ARHGAP24: variants seen among roughly 807,000 people sequenced by gnomAD.
The protein encoded by ARHGAP24 is Rho GTPase activating protein 24.
A neutral mutation model predicts 76.4 loss-of-function variants in ARHGAP24; 50 were observed. The observed-to-expected ratio is 0.65, with a 90% CI of 0.52 to 0.83. The LOEUF (loss-of-function observed/expected upper bound fraction) is 0.83. Ranked by LOEUF, ARHGAP24 falls within the 40% of genes least tolerant of loss-of-function variation. ARHGAP24 has a pLI of 0.00. For missense variants in ARHGAP24, 930 were observed against 914.2 expected, an observed-to-expected ratio of 1.02 and a Z score of -0.22; for synonymous variants, 345 against 323.3, an observed-to-expected ratio of 1.07 and a Z score of -0.72.
At chr4:85,877,629 A>T (rs1733016730) in intron 3 of ARHGAP24, among the ~76,000 whole-genome samples, 1 of 2,540 alleles carries the variant, frequency 3.9e-4, no homozygotes, top group African/African-American at 9.7e-4. Context: ...TATCTTAATT[A>T]AAAAAAAAAA....
intron 4 of ARHGAP24, among the ~76,000 whole-genome samples, chr4:85,929,646 A>G (rs991631332): frequency 6.6e-6 from 1 of 152,226 alleles, no homozygotes; most frequent in African/African-American, 2.4e-5. Flanking sequence ...GTGTGTGTAA[A>G]TACACATACA....
intron 1 of ARHGAP24, among the ~76,000 whole-genome samples, chr4:85,485,394 T>A (rs866690696): frequency 6.4e-5 from 7 of 109,796 alleles, no homozygotes; most frequent in African/African-American, 1.4e-4. Context: ...TATATATATA[T>A]ATATATATAT....
chr4:85,766,362 C>A (rs1254160640), intron 3 of ARHGAP24, among the ~76,000 whole-genome samples: 1 of 152,048 alleles, frequency 6.6e-6, no homozygotes, highest in Admixed American at 6.6e-5. Flanking sequence ...AAAATAATTC[C>A]TTGCTCTTCA....
chr4:85,934,314 T>C (rs937260365), intron 4 of ARHGAP24, among the ~76,000 whole-genome samples: 7 of 152,158 alleles, frequency 4.6e-5, no homozygotes, highest in African/African-American at 1.7e-4. Context: ...TATTTCATCC[T>C]TTCTCCTAAA....
intron 1 of ARHGAP24, among the ~76,000 whole-genome samples, chr4:85,552,895 G>A (rs1023092860): frequency 5.3e-5 from 8 of 152,040 alleles, no homozygotes; most frequent in Non-Finnish European, 1.0e-4. Context: ...GGATGTCATT[G>A]TGTGTCCAGA....
At chr4:85,575,541 G>A (rs978029215) in intron 2 of ARHGAP24, among the ~76,000 whole-genome samples, 11 of 152,104 alleles carry the variant, frequency 7.2e-5, no homozygotes, top group Non-Finnish European at 1.3e-4. Flanking sequence ...CTATTAGAAA[G>A]GATTTTAAAA....
chr4:85,802,748 A>G (rs961646716), intron 3 of ARHGAP24, among the ~76,000 whole-genome samples: 1 of 152,182 alleles, frequency 6.6e-6, no homozygotes, highest in African/African-American at 2.4e-5. Context: ...CTGAGACCGC[A>G]CCATTGCACT....
chr4:85,968,877 G>A (rs1395055258), intron 5 of ARHGAP24, among the ~76,000 whole-genome samples: 1 of 151,904 alleles, frequency 6.6e-6, no homozygotes, highest in Non-Finnish European at 1.5e-5. Flanking sequence ...AATAACCTTT[G>A]TTAATCAAAA....
intron 1 of ARHGAP24, among the ~76,000 whole-genome samples, chr4:85,487,201 T>A (rs951116296): frequency 7.3e-6 from 1 of 136,248 alleles, no homozygotes. Flanking sequence ...AAATATATAT[T>A]TATTTTATAT....
intron 3 of ARHGAP24, among the ~76,000 whole-genome samples, chr4:85,913,685 G>A (rs1352138515): frequency 6.6e-6 from 1 of 152,092 alleles, no homozygotes; most frequent in Non-Finnish European, 1.5e-5. Flanking sequence ...CAATAAATGT[G>A]TTGAATAAAT....
intron 3 of ARHGAP24, among the ~76,000 whole-genome samples, chr4:85,816,097 C>T (rs540341595): frequency 7.2e-5 from 11 of 152,222 alleles, no homozygotes; most frequent in East Asian, 1.9e-4. Flanking sequence ...TCCCACAATA[C>T]GTGGGAATTA....
chr4:85,586,756 G>A (rs1269147593), intron 2 of ARHGAP24, among the ~76,000 whole-genome samples: 1 of 152,004 alleles, frequency 6.6e-6, no homozygotes, highest in Non-Finnish European at 1.5e-5. Flanking sequence ...AAATTAGCCA[G>A]GCATGGTGGC....
At chr4:85,754,691 T>A (rs941868371) in intron 3 of ARHGAP24, among the ~76,000 whole-genome samples, 1 of 152,242 alleles carries the variant, frequency 6.6e-6, no homozygotes, top group Non-Finnish European at 1.5e-5. Flanking sequence ...AGTTTGGTTC[T>A]TGACAATTTA....
At chr4:85,634,435 A>T (rs949107004) in intron 2 of ARHGAP24, among the ~76,000 whole-genome samples, 9 of 151,782 alleles carry the variant, frequency 5.9e-5, no homozygotes, top group African/African-American at 2.2e-4. Context: ...ATATGTCCAA[A>T]TCCTGGTGGC....
intron 3 of ARHGAP24, among the ~76,000 whole-genome samples, chr4:85,756,208 TAA>T (rs35115569): frequency 0.91 from 137,973 of 152,008 alleles, 64,135 homozygotes; most frequent in East Asian, 1. Flanking sequence ...TCTTAATAGT[TAA>T]TAAAGTAGCT....
At chr4:85,495,566 TG>T (rs1345366645) in intron 1 of ARHGAP24, among the ~76,000 whole-genome samples, 2 of 151,584 alleles carry the variant, frequency 1.3e-5, no homozygotes, top group Non-Finnish European at 2.9e-5. Flanking sequence ...TTAGCCAGGA[TG>T]GGTCTCAATC....
rs548587194 is a variant in ARHGAP24, at chr4:85,935,795, T to C, written c.392-6271T>C. Among the ~76,000 whole-genome samples the C allele has an allele frequency of 3.3e-5, 5 of 152,320 alleles. No homozygotes were observed. In the South Asian group the frequency reaches 8.3e-4, roughly 25 times the overall value. On this transcript the variant is annotated intron_variant, in intron 4 of 9. Coordinates refer to ENST00000395184, the MANE Select transcript of ARHGAP24 (RefSeq NM_001025616.3). ...ATTGCTCCAATGGTCAAAGACCTAGTCCACTGGGTCGCTATGTACACCTTG... is the reference window on the plus strand; with the variant it reads ...ATTGCTCCAATGGTCAAAGACCTAGCCCACTGGGTCGCTATGTACACCTTG...
Position 85,721,952 on chromosome 4 carries a change from T to C in ARHGAP24, c.248T>C (p.Phe83Ser). 1.2e-6 allele frequency: 2 copies of C among 1,613,416 alleles called. No homozygotes were observed. Among genetic ancestry groups the C allele is most frequent in the Non-Finnish European group, 1.7e-6 (2 of 1,179,562 alleles). Residue 83 changes from phenylalanine (F) to serine (S), a missense_variant, in exon 3 of 10, where the codon TTC becomes TCC. Coordinates refer to ENST00000395184, the MANE Select transcript of ARHGAP24 (RefSeq NM_001025616.3). Reference sequence around the variant, plus strand: ...TGCAATGAAGAGAACCCAGGGAAGTTCCTTTTTGAAGTAGTTCCAGGTAAG... The same window carrying C: ...TGCAATGAAGAGAACCCAGGGAAGTCCCTTTTTGAAGTAGTTCCAGGTAAG... ...HPCNEENPGK[F>S]LFEVVPGGDR...
At chr4:85,642,879 C>A (rs899477325) in intron 2 of ARHGAP24, among the ~76,000 whole-genome samples, 1 of 152,144 alleles carries the variant, frequency 6.6e-6, no homozygotes, top group Non-Finnish European at 1.5e-5. Flanking sequence ...AGAACAGAAG[C>A]TATAAAGTCC....
Sources: gnomAD v4.1 joint callset for allele counts (sites outside exome capture counted in the v4.1 genomes callset) on GRCh38, gnomAD v4.1.1 for gene constraint, MANE v1.5 for transcripts, NCBI Gene and HGNC (gene_info 2026-07-23, HGNC 2026-07-21) for gene names.